The following ITGA2 variants were observed in gnomAD, a reference collection of about 807,000 sequenced individuals.
ITGA2 encodes integrin subunit alpha 2, also known as integrin alpha-2.
Under a neutral mutation model 146.3 loss-of-function variants are expected in ITGA2, and 101 were observed. That is an observed-to-expected ratio of 0.69 (90% CI 0.59 to 0.81). ITGA2 has a LOEUF of 0.81. Ranked by LOEUF, ITGA2 falls within the 40% of genes least tolerant of loss-of-function variation. ITGA2 has a pLI of 0.00. For missense variants in ITGA2, 1,281 were observed against 1,402.7 expected (o/e 0.91, Z 1.39); for synonymous variants, 477 against 487.1 (o/e 0.98, Z 0.27).
chr5:52,998,382 A>AACCT (rs1741384393), intron 1 of ITGA2, among the ~76,000 whole-genome samples: 1 of 152,118 alleles, frequency 6.6e-6, no homozygotes, highest in African/African-American at 2.4e-5. Context: ...TGAACCTGGG[A>AACCT]GGCGGAGGTT....
At chr5:52,995,211 T>C (rs1009314417) in intron 1 of ITGA2, among the ~76,000 whole-genome samples, 4 of 152,152 alleles carry the variant, frequency 2.6e-5, no homozygotes, top group Non-Finnish European at 5.9e-5. Flanking sequence ...AGTCATGATA[T>C]AGAGCAGGGG....
At chr5:53,050,411 C>T (rs1427230916) in intron 6 of ITGA2, among the ~76,000 whole-genome samples, 1 of 152,084 alleles carries the variant, frequency 6.6e-6, no homozygotes, top group Non-Finnish European at 1.5e-5. Context: ...TTGAAATTCT[C>T]AGTTATTTTT....
At chr5:53,075,385 C>G (rs532267598) in intron 23 of ITGA2, 81 bp downstream of exon 23, 6 of 999,912 alleles carry the variant, frequency 6.0e-6, no homozygotes, top group Non-Finnish European at 9.6e-6. Context: ...TAAAGAAGTC[C>G]TCTGTATGCT....
In ITGA2 at chr5:53,062,933, A is replaced by G; in HGVS notation, c.1602+4A>G. On this transcript the variant is annotated splice_donor_region_variant and intron_variant, in intron 13 of 29. Coordinates refer to ENST00000296585, the MANE Select transcript of ITGA2 (RefSeq NM_002203.4). ...CTACCTGTTTACTATCAAAGAGGTA[A>G]AAAAAAAAAAATAAACTAATAGTTT... The G allele has an allele frequency of 4.3e-6, 6 of 1,396,934 alleles. No homozygotes were observed. The South Asian group carries it at 6.5e-5, about 15-fold the overall frequency. 86.5% of individuals were successfully genotyped at this position (1,396,934 alleles called of 1,614,324 possible). A position where few individuals can be genotyped will look rare whatever the true frequency, so the allele number is the denominator to read the frequency against.
intron 16 of ITGA2, among the ~76,000 whole-genome samples, chr5:53,069,346 A>G (rs1332589833): frequency 6.6e-6 from 1 of 151,870 alleles, no homozygotes; most frequent in Admixed American, 6.6e-5. Flanking sequence ...AAAGAGGGTA[A>G]GTAAATTGCC....
chr5:53,082,734 C>T (rs932716872), intron 26 of ITGA2, among the ~76,000 whole-genome samples: 4 of 152,142 alleles, frequency 2.6e-5, no homozygotes, highest in Admixed American at 6.5e-5. Flanking sequence ...TTAAAATCCA[C>T]GCTGTGGAAT....
intron 1 of ITGA2, among the ~76,000 whole-genome samples, chr5:53,003,087 C>T (rs927677595): frequency 6.6e-6 from 1 of 152,180 alleles, no homozygotes; most frequent in African/African-American, 2.4e-5. Flanking sequence ...GAACAGAACA[C>T]TCCAGCCAGT....
chr5:53,024,284 G>A (rs1398158621), intron 1 of ITGA2, among the ~76,000 whole-genome samples: 1 of 152,100 alleles, frequency 6.6e-6, no homozygotes, highest in Non-Finnish European at 1.5e-5. Context: ...ATGCGAGTTG[G>A]AATAAACATT....
At chr5:53,036,888 G>A (rs1743517337) in intron 2 of ITGA2, among the ~76,000 whole-genome samples, 1 of 152,058 alleles carries the variant, frequency 6.6e-6, no homozygotes, top group Admixed American at 6.6e-5. Context: ...TTCAAGGAAT[G>A]GTGTCCCCTG....
At chr5:53,071,239 A>G (rs1490609489) in intron 17 of ITGA2, among the ~76,000 whole-genome samples, 1 of 151,868 alleles carries the variant, frequency 6.6e-6, no homozygotes, top group Non-Finnish European at 1.5e-5. Flanking sequence ...TAAAGTGACA[A>G]TTTTATAGAT....
At chr5:53,052,282 C>T (rs1234088150) in intron 7 of ITGA2, among the ~76,000 whole-genome samples, 1 of 152,178 alleles carries the variant, frequency 6.6e-6, no homozygotes, top group East Asian at 1.9e-4. Context: ...GTTCCCCTCC[C>T]TGTGTCCTCA....
At chr5:53,071,377 A>T (rs534558456) in intron 17 of ITGA2, among the ~76,000 whole-genome samples, 2 of 152,046 alleles carry the variant, frequency 1.3e-5, no homozygotes, top group Non-Finnish European at 2.9e-5. Flanking sequence ...GTTTAAAAAA[A>T]CAAAATCCTT....
chr5:53,017,749 C>G (rs1397203592), intron 1 of ITGA2, among the ~76,000 whole-genome samples: 1 of 152,128 alleles, frequency 6.6e-6, no homozygotes, highest in Non-Finnish European at 1.5e-5. Context: ...GCAGGCTGCC[C>G]ACACATCAGC....
chr5:52,991,084 GA>G lies in ITGA2; in HGVS notation c.64+1554del, dbSNP rs1740930695. ...GTAACGCTGCAAGGCATGAAGTCAG[GA>G]ACAGAGACTTAACCTGGAGTTAATA... is the stretch of plus-strand genomic sequence containing the variant. On this transcript the variant is annotated intron_variant, in intron 1 of 29. Coordinates refer to ENST00000296585, the MANE Select transcript of ITGA2 (RefSeq NM_002203.4). Among the ~76,000 whole-genome samples the G allele has an allele frequency of 2.0e-5, 3 of 152,266 alleles. No individual in the cohort carries two copies. In the South Asian group the frequency reaches 6.2e-4, roughly 32 times the overall value.
At chr5:53,087,506 T>C (rs1180442507) in intron 28 of ITGA2, among the ~76,000 whole-genome samples, 4 of 151,874 alleles carry the variant, frequency 2.6e-5, no homozygotes, top group Non-Finnish European at 4.4e-5. Flanking sequence ...GCTTAATAAA[T>C]AATGCATTTA....
At chr5:53,025,247 A>G (rs1211513235) in intron 1 of ITGA2, among the ~76,000 whole-genome samples, 1 of 152,232 alleles carries the variant, frequency 6.6e-6, no homozygotes, top group African/African-American at 2.4e-5. Context: ...TTGCATGCCA[A>G]TTCTGGATCT....
At chr5:53,045,732 C>G (rs1319936866) in intron 4 of ITGA2, among the ~76,000 whole-genome samples, 1 of 151,184 alleles carries the variant, frequency 6.6e-6, no homozygotes, top group Non-Finnish European at 1.5e-5. Context: ...GAGTTTAGAG[C>G]TAATAGAAAA....
At chr5:53,012,092 G>A (rs1045989099) in intron 1 of ITGA2, among the ~76,000 whole-genome samples, 1 of 152,132 alleles carries the variant, frequency 6.6e-6, no homozygotes, top group Non-Finnish European at 1.5e-5. Context: ...AGCACAGCCT[G>A]GCTTTCATTC....
At chr5:53,033,603 A>T (rs931760061) in intron 2 of ITGA2, among the ~76,000 whole-genome samples, 6 of 151,778 alleles carry the variant, frequency 4.0e-5, no homozygotes, top group African/African-American at 1.2e-4. Flanking sequence ...TTAATTAATT[A>T]ATTAATTAAT....
Sources: allele counts gnomAD v4.1 joint callset (sites outside exome capture counted in the v4.1 genomes callset), GRCh38; gene constraint gnomAD v4.1.1; transcripts MANE v1.5; gene names NCBI Gene and HGNC (gene_info 2026-07-23, HGNC 2026-07-21).